FHIT: variants seen among roughly 807,000 people sequenced by gnomAD.
FHIT encodes fragile histidine triad diadenosine triphosphatase, also known as bis(5'-adenosyl)-triphosphatase.
FHIT carries 19 observed loss-of-function variants against 17.9 expected under a neutral mutation model. That is an observed-to-expected ratio of 1.06 (90% CI 0.74 to 1.56). The LOEUF (loss-of-function observed/expected upper bound fraction) is 1.56. Among genes scored for constraint, FHIT ranks in the 40% most tolerant of loss-of-function variants. FHIT has a pLI of 0.00. For missense variants in FHIT, 248 were observed against 189.2 expected, an observed-to-expected ratio of 1.31 and a Z score of -1.82; for synonymous variants, 81 against 69.7, an observed-to-expected ratio of 1.16 and a Z score of -0.81.
chr3:60,118,456 G>A (rs868618742), intron 5 of FHIT, among the ~76,000 whole-genome samples: 4 of 151,718 alleles, frequency 2.6e-5, no homozygotes, highest in African/African-American at 4.8e-5. Context: ...TATAGGTAGC[G>A]TTTTGGTAAT....
At chr3:61,226,054 T>C (rs1400535633) in intron 1 of FHIT, among the ~76,000 whole-genome samples, 2 of 152,192 alleles carry the variant, frequency 1.3e-5, no homozygotes, top group Non-Finnish European at 2.9e-5. Flanking sequence ...CCATAGCACA[T>C]TTCCAATTTT....
At chr3:60,126,146 G>T (rs1705538318) in intron 5 of FHIT, among the ~76,000 whole-genome samples, 1 of 152,078 alleles carries the variant, frequency 6.6e-6, no homozygotes, top group African/African-American at 2.4e-5. Flanking sequence ...CAATCACAGA[G>T]ATCTCCTGTT....
rs1402895513 is a variant in FHIT at position 59,986,558 on chromosome 3, C to T, written c.279+24813G>A. Among the ~76,000 whole-genome samples, 90 of 41,366 alleles carry T rather than the reference C, an allele frequency of 2.2e-3. 17 individuals are homozygous for T. Among genetic ancestry groups the T allele is most frequent in the Non-Finnish European group, 2.9e-3 (72 of 25,050 alleles). The allele number at this position is 41,366 out of a possible 152,430, so 27.1% of individuals were successfully genotyped here. On this transcript the variant is annotated intron_variant, in intron 7 of 9. Transcript: ENST00000492590. ...ATATATATACACACACACACACACA[C>T]ACACACACACATATATACACACACA... is the stretch of plus-strand genomic sequence containing the variant.
chr3:60,631,207 C>T (rs2039432835), intron 4 of FHIT, among the ~76,000 whole-genome samples: 1 of 152,068 alleles, frequency 6.6e-6, no homozygotes. Flanking sequence ...GGTTTCAGAG[C>T]TTTAATTTGA....
chr3:59,889,263 A>T (rs1364717188), intron 8 of FHIT, among the ~76,000 whole-genome samples: 2 of 152,238 alleles, frequency 1.3e-5, no homozygotes. Context: ...GAGGCAGTCC[A>T]GCCTTTCTAA....
At chr3:61,203,583 G>T (rs953989878) in intron 1 of FHIT, among the ~76,000 whole-genome samples, 5 of 152,172 alleles carry the variant, frequency 3.3e-5, no homozygotes, top group African/African-American at 7.2e-5. Flanking sequence ...TAGTAAGCAT[G>T]ATGGTAAATC....
At chr3:61,104,645 G>A (rs1360920221) in intron 2 of FHIT, among the ~76,000 whole-genome samples, 1 of 152,080 alleles carries the variant, frequency 6.6e-6, no homozygotes, top group Non-Finnish European at 1.5e-5. Context: ...TCTCATGAAT[G>A]ATATCCTGAA....
At chr3:60,189,522 T>A (rs988444408) in intron 5 of FHIT, among the ~76,000 whole-genome samples, 3 of 152,212 alleles carry the variant, frequency 2.0e-5, no homozygotes, top group African/African-American at 7.2e-5. Flanking sequence ...CTTCCTTCCT[T>A]CTTATAAGTA....
intron 8 of FHIT, among the ~76,000 whole-genome samples, chr3:59,811,504 T>C (rs1301137493): frequency 6.6e-6 from 1 of 152,246 alleles, no homozygotes; most frequent in African/African-American, 2.4e-5. Context: ...TAGAAACAGT[T>C]GGGATAAAAA....
intron 4 of FHIT, among the ~76,000 whole-genome samples, chr3:60,540,927 C>G (rs1357240433): frequency 1.3e-5 from 2 of 152,186 alleles, no homozygotes; most frequent in African/African-American, 4.8e-5. Flanking sequence ...ACAATAGCAT[C>G]AGCATCACTT....
intron 3 of FHIT, among the ~76,000 whole-genome samples, chr3:60,856,881 A>C (rs1703408361): frequency 6.6e-6 from 1 of 152,052 alleles, no homozygotes; most frequent in Non-Finnish European, 1.5e-5. Flanking sequence ...CACTGGTCTA[A>C]TGCCTACTCA....
chr3:60,873,136 A>AGG (rs1245978564), intron 3 of FHIT, among the ~76,000 whole-genome samples: 4 of 137,000 alleles, frequency 2.9e-5, no homozygotes, highest in African/African-American at 5.8e-5. Flanking sequence ...AGAGAGGGAG[A>AGG]GGGAGAGAGA....
At chr3:60,016,014 C>T (rs1699586920) in intron 5 of FHIT, among the ~76,000 whole-genome samples, 1 of 152,128 alleles carries the variant, frequency 6.6e-6, no homozygotes, top group South Asian at 2.1e-4. Flanking sequence ...AAAATAATAT[C>T]ACAGATGCAA....
chr3:59,916,147 C>G (rs1265459923), intron 8 of FHIT, among the ~76,000 whole-genome samples: 2 of 152,042 alleles, frequency 1.3e-5, no homozygotes, highest in Non-Finnish European at 2.9e-5. Context: ...TCTAATCAGC[C>G]GTCAGCATGG....
At chr3:60,435,273 CCAA>C (rs1483212472) in intron 5 of FHIT, among the ~76,000 whole-genome samples, 1 of 152,100 alleles carries the variant, frequency 6.6e-6, no homozygotes, top group Non-Finnish European at 1.5e-5. Flanking sequence ...AATAGAGCCA[CCAA>C]CATTACTAGG....
intron 2 of FHIT, among the ~76,000 whole-genome samples, chr3:61,161,112 TC>T (rs1208039736): frequency 8.0e-5 from 12 of 150,592 alleles, no homozygotes; most frequent in African/African-American, 2.9e-4. Flanking sequence ...TTTAACTTTT[TC>T]CTTTTAACTG....
intron 5 of FHIT, among the ~76,000 whole-genome samples, chr3:60,453,554 T>G (rs769659690): frequency 1.3e-5 from 2 of 152,120 alleles, no homozygotes; most frequent in Non-Finnish European, 2.9e-5. Flanking sequence ...TTGTAAAACA[T>G]AAAGGCAGCT....
At chr3:59,750,790 C>T (rs1160678816) in intron 9 of FHIT, 2 of 208,714 alleles carry the variant, frequency 9.6e-6, no homozygotes, top group Admixed American at 6.1e-5. Flanking sequence ...TAAAGCTATC[C>T]AGTAAAGACT....
At chr3:61,246,527 G>A (rs889434532) in intron 1 of FHIT, among the ~76,000 whole-genome samples, 2 of 152,100 alleles carry the variant, frequency 1.3e-5, no homozygotes, top group African/African-American at 4.8e-5. Context: ...GAATAAGGTC[G>A]AAATGCAGGT....
Sources: gnomAD v4.1 joint callset for allele counts (sites outside exome capture counted in the v4.1 genomes callset) on GRCh38, gnomAD v4.1.1 for gene constraint, MANE v1.5 for transcripts, NCBI Gene and HGNC (gene_info 2026-07-23, HGNC 2026-07-21) for gene names.